Variants in EXOC4 observed in about 807,000 individuals in gnomAD.
EXOC4 encodes exocyst complex component 4.
Under a neutral mutation model 107.2 loss-of-function variants are expected in EXOC4, and 71 were observed. The ratio of observed to expected loss-of-function variants is 0.66; its 90% CI spans 0.55 to 0.81. The LOEUF (loss-of-function observed/expected upper bound fraction) is 0.81, where lower values mean the gene tolerates loss of function less well. Ranked by LOEUF, EXOC4 falls within the 30% of genes least tolerant of loss-of-function variation. The pLI is 0.00. For synonymous variants in EXOC4, 456 were observed against 441.2 expected (o/e 1.03, Z -0.42); for missense variants, 1,108 against 1,189.6 (o/e 0.93, Z 1.01).
chr7:133,275,524 TC>T (rs1264726212), intron 2 of EXOC4, among the ~76,000 whole-genome samples: 2 of 152,234 alleles, frequency 1.3e-5, no homozygotes, highest in Non-Finnish European at 2.9e-5. Context: ...TAGCAGTTAT[TC>T]TTGTATTTCA....
At chr7:133,276,570 C>T (rs1455815426) in intron 2 of EXOC4, among the ~76,000 whole-genome samples, 1 of 151,998 alleles carries the variant, frequency 6.6e-6, no homozygotes, top group East Asian at 1.9e-4. Flanking sequence ...TTGCAGAATA[C>T]CAGCATGTCA....
intron 3 of EXOC4, among the ~76,000 whole-genome samples, chr7:133,302,340 G>T (rs1175728231): frequency 6.6e-6 from 1 of 152,104 alleles, no homozygotes; most frequent in Non-Finnish European, 1.5e-5. Flanking sequence ...CAACTGTGTT[G>T]ACTAGAACAT....
chr7:133,953,506 C>A (rs142455887), intron 14 of EXOC4, among the ~76,000 whole-genome samples: 2 of 151,778 alleles, frequency 1.3e-5, no homozygotes, highest in African/African-American at 4.8e-5. Context: ...TTTTAATTAG[C>A]TGGGCATGGT....
At chr7:133,474,088 A>T (rs1798950677) in intron 7 of EXOC4, among the ~76,000 whole-genome samples, 1 of 152,060 alleles carries the variant, frequency 6.6e-6, no homozygotes, top group South Asian at 2.1e-4. Context: ...GTTATTATTG[A>T]TAGGTAAGGA....
At chr7:133,381,238 A>G (rs1796612239) in intron 7 of EXOC4, among the ~76,000 whole-genome samples, 1 of 133,358 alleles carries the variant, frequency 7.5e-6, no homozygotes, top group Non-Finnish European at 1.6e-5. Flanking sequence ...GTTCTCTCAG[A>G]ATTCTTTCAG....
chr7:133,788,219 T>C (rs1167075699), intron 10 of EXOC4, among the ~76,000 whole-genome samples: 1 of 150,762 alleles, frequency 6.6e-6, no homozygotes, highest in Non-Finnish European at 1.5e-5. Flanking sequence ...ATCCACTCCC[T>C]AGTCTTACAG....
intron 2 of EXOC4, among the ~76,000 whole-genome samples, chr7:133,279,805 C>T (rs544092645): frequency 3.9e-4 from 59 of 151,936 alleles, no homozygotes; most frequent in Admixed American, 6.6e-4. Context: ...AGGCGTGAGC[C>T]GCTGTGCCTG....
At chr7:133,286,669 C>G (rs1487688160) in intron 2 of EXOC4, among the ~76,000 whole-genome samples, 1 of 152,236 alleles carries the variant, frequency 6.6e-6, no homozygotes, top group Non-Finnish European at 1.5e-5. Flanking sequence ...GACCAGTTCA[C>G]TTTCCCAAGG....
chr7:133,445,396 A>G (rs1202222332), intron 7 of EXOC4, among the ~76,000 whole-genome samples: 1 of 152,202 alleles, frequency 6.6e-6, no homozygotes, highest in Non-Finnish European at 1.5e-5. Context: ...TGTGTAGGGT[A>G]GGACTTTGGA....
intron 12 of EXOC4, among the ~76,000 whole-genome samples, chr7:133,899,972 A>C (rs1199301599): frequency 1.3e-5 from 2 of 151,854 alleles, no homozygotes; most frequent in African/African-American, 4.8e-5. Context: ...GTCTCGATCG[A>C]ATTCCTGGCC....
chr7:133,685,418 G>A (rs1346246588), intron 10 of EXOC4, among the ~76,000 whole-genome samples: 1 of 152,062 alleles, frequency 6.6e-6, no homozygotes, highest in African/African-American at 2.4e-5. Context: ...TGCCATGATT[G>A]TAAGTTTCCT....
Position 133,997,545 on chromosome 7 carries a change from G to GA in EXOC4, c.2261dup (p.Gln755AlafsTer8), listed in dbSNP as rs747973620. On this transcript the variant is annotated frameshift_variant, in exon 15 of 18. Coordinates refer to ENST00000253861, the MANE Select transcript of EXOC4 (RefSeq NM_021807.4). LOFTEE classifies it high-confidence loss of function. ...GAACACGGATCTCCCCCCAGTGTCA[G>GA]AGCAGATCATGCAGACTCTCAGTGA... 6.2e-7 allele frequency: 1 copy of GA among 1,613,786 alleles called. No homozygotes were observed. The highest frequency in any genetic ancestry group is 8.5e-7 in the Non-Finnish European group (1 of 1,179,826).
intron 10 of EXOC4, among the ~76,000 whole-genome samples, chr7:133,677,984 A>G (rs1036573472): frequency 1.3e-5 from 2 of 152,162 alleles, no homozygotes; most frequent in Non-Finnish European, 2.9e-5. Context: ...AAAACTTGCA[A>G]TTTTTAATGT....
At chr7:133,559,508 G>A (rs10259844) in intron 9 of EXOC4, among the ~76,000 whole-genome samples, 55 of 152,250 alleles carry the variant, frequency 3.6e-4, no homozygotes, top group African/African-American at 1.2e-3. Flanking sequence ...CATTCCCAGT[G>A]ATTTGAAATG....
Position 133,723,209 on chromosome 7 carries a change from A to G in EXOC4, c.1514+93068A>G, listed in dbSNP as rs1345622430. ...TAAAAAGTGTTACAAGGGGTAGAAA[A>G]GAGGGGAGAAGAGGTCAGGCAGTTT... On this transcript the variant is annotated intron_variant, in intron 10 of 17. Coordinates refer to ENST00000253861, the MANE Select transcript of EXOC4 (RefSeq NM_021807.4). Among the ~76,000 whole-genome samples the G allele has an allele frequency of 2.6e-5, 4 of 152,178 alleles. No individual in the cohort carries two copies. In the East Asian group the frequency reaches 7.7e-4, roughly 29 times the overall value.
chr7:133,959,713 A>T (rs914257836), intron 14 of EXOC4, among the ~76,000 whole-genome samples: 1 of 152,088 alleles, frequency 6.6e-6, no homozygotes, highest in African/African-American at 2.4e-5. Flanking sequence ...AAGAAAAAAA[A>T]AATAAAAGTT....
At chr7:133,473,730 T>G (rs1798938293) in intron 7 of EXOC4, among the ~76,000 whole-genome samples, 1 of 151,954 alleles carries the variant, frequency 6.6e-6, no homozygotes, top group Admixed American at 6.6e-5. Flanking sequence ...AAACGGAGCC[T>G]CACTCTGTCG....
intron 13 of EXOC4, among the ~76,000 whole-genome samples, chr7:133,921,895 T>C (rs1799944924): frequency 6.6e-6 from 1 of 152,170 alleles, no homozygotes; most frequent in Non-Finnish European, 1.5e-5. Context: ...AGTTCTTAGA[T>C]ATTCTGTTGT....
At chr7:133,275,429 A>G (rs1300332969) in intron 2 of EXOC4, among the ~76,000 whole-genome samples, 1 of 152,194 alleles carries the variant, frequency 6.6e-6, no homozygotes, top group Non-Finnish European at 1.5e-5. Context: ...GAGACAAGCA[A>G]GATGGCCTCC....
Sources: gnomAD v4.1 joint callset for allele counts (sites outside exome capture counted in the v4.1 genomes callset) on GRCh38, gnomAD v4.1.1 for gene constraint, MANE v1.5 for transcripts, NCBI Gene and HGNC (gene_info 2026-07-23, HGNC 2026-07-21) for gene names.